Variants in TSBP1 observed in about 807,000 individuals in gnomAD.
The protein encoded by TSBP1 is testis-expressed basic protein 1.
In TSBP1, 56 loss-of-function variants were observed where a neutral mutation model predicts 68.8. The ratio of observed to expected loss-of-function variants is 0.81; its 90% CI spans 0.66 to 1.02. The LOEUF (loss-of-function observed/expected upper bound fraction) is 1.02, where lower values mean the gene tolerates loss of function less well. TSBP1 is among the 50% of genes least tolerant of loss of function. The pLI is 0.00. For missense variants in TSBP1, 502 were observed against 641.2 expected (o/e 0.78, Z 2.34); for synonymous variants, 171 against 208.7 (o/e 0.82, Z 1.56).
In TSBP1 at chr6:32,323,512, G is replaced by A. The variant is rs575254516; in HGVS notation, c.538+79C>T. The A allele has an allele frequency of 7.9e-4, 1,038 of 1,319,320 alleles. 7 individuals carry two copies. The Middle Eastern group carries it at 0.011, about 14-fold the overall frequency. 81.7% of individuals were successfully genotyped at this position (1,319,320 alleles called of 1,614,324 possible). On this transcript the variant is annotated intron_variant, in intron 17 of 22. Transcript: ENST00000612031. ...TGCACACAGAGTTAGAAATGAGCAG[G>A]GTAGAGACAGGTCTCTAAGCCTTGC...
Position 32,336,599 on chromosome 6 carries a change from C to T in TSBP1, c.430+16G>A, listed in dbSNP as rs769387896. 4.3e-6 allele frequency: 7 copies of T among 1,610,838 alleles called. No homozygotes were observed. In the South Asian group the frequency reaches 7.7e-5, roughly 18 times the overall value. On this transcript the variant is annotated intron_variant, in intron 12 of 22. Transcript: ENST00000612031. This position sits in a 1 kb window ranked among gnomAD's most constrained non-coding sequence, Gnocchi z 5.2. ...TATCAAAGGGACCAGAGTGGAAAAA[C>T]AAACTTGATACTTACGAATAGGGGC...
chr6:32,326,072 G>C (rs1397211032), intron 16 of TSBP1: 1 of 1,440,094 alleles, frequency 6.9e-7, no homozygotes, highest in Non-Finnish European at 9.6e-7. Context: ...GGCAGAAGCT[G>C]TGGCCTCTAT....
chr6:32,333,673 C>G lies in TSBP1; in HGVS notation c.473-1619G>C, dbSNP rs999212652. ...TGCCCTTGCTGGCAAACTGTGCTTC[C>G]TCCCTTAGGTCCTACTGAGTAGACT... On this transcript the variant is annotated intron_variant, in intron 14 of 22. Transcript: ENST00000612031. The surrounding 1 kb of genome is among the most constrained non-coding windows in gnomAD (Gnocchi z 4.2). Among the ~76,000 whole-genome samples the G allele has an allele frequency of 2.6e-4, 39 of 152,198 alleles. No homozygotes were observed. Among genetic ancestry groups the G allele is most frequent in the African/African-American group, 8.2e-4 (34 of 41,436 alleles).
chr6:32,320,089 A>G (rs1456641413), intron 18 of TSBP1: 1 of 453,304 alleles, frequency 2.2e-6, no homozygotes, highest in Non-Finnish European at 4.4e-6. Flanking sequence ...GGATTTTCTC[A>G]TAGATTTCAT....
intron 9 of TSBP1, among the ~76,000 whole-genome samples, chr6:32,347,867 G>A (rs924026851): frequency 6.6e-6 from 1 of 152,132 alleles, no homozygotes; most frequent in Non-Finnish European, 1.5e-5. Flanking sequence ...AGATCCTCCT[G>A]TGGCTGCCAG....
At chr6:32,331,523 C>T (rs1562123915) in intron 15 of TSBP1, among the ~76,000 whole-genome samples, 1 of 152,096 alleles carries the variant, frequency 6.6e-6, no homozygotes. Context: ...CACGGGGGTT[C>T]GGGCTGTGAG....
chr6:32,293,541 T>C lies in TSBP1; in HGVS notation c.1132A>G (p.Arg378Gly), dbSNP rs769459897. The C allele has an allele frequency of 3.1e-6, 5 of 1,611,174 alleles. No individual in the cohort carries two copies. In the South Asian group the frequency reaches 5.5e-5, roughly 18 times the overall value. ...CTCTTCTTTACTTGGGATTCCTGTCTTCTTGGCACACCCATCTCACTCTTC... is the reference window on the plus strand; with the variant it reads ...CTCTTCTTTACTTGGGATTCCTGTCCTCTTGGCACACCCATCTCACTCTTC... Residue 378 changes from arginine to glycine, a missense_variant, in exon 23 of 23, where the codon AGA (arginine) becomes GGA (glycine). Coordinates refer to ENST00000612031, the Ensembl canonical transcript of TSBP1.
chr6:32,334,058 T>A lies in TSBP1; in HGVS notation c.472+1379A>T, dbSNP rs190599232. ...TGATACCTGCCCTCTTGACATAAGT[T>A]ACTAAATCCTTGGATAGGTGATCAC... On this transcript the variant is annotated intron_variant, in intron 14 of 22. Coordinates refer to ENST00000612031, the Ensembl canonical transcript of TSBP1. The A allele has an allele frequency of 1.2e-3, 242 of 194,420 alleles. 3 individuals are homozygous for A. Among genetic ancestry groups the A allele is most frequent in the East Asian group, 0.011 (64 of 5,934 alleles). The allele number at this position is 194,420 out of a possible 1,614,324, so 12.0% of individuals were successfully genotyped here.
intron 19 of TSBP1, among the ~76,000 whole-genome samples, chr6:32,307,652 T>C (rs1046700567): frequency 3.3e-5 from 5 of 152,202 alleles, no homozygotes; most frequent in African/African-American, 1.2e-4. Context: ...TACAGATGTC[T>C]TTGCTATTTT....
chr6:32,323,782 A>T, intron 16 of TSBP1, 168 bp from the exon 18 acceptor site: 2 of 635,416 alleles, frequency 3.1e-6, no homozygotes, highest in Middle Eastern at 2.5e-4. Context: ...TCAAAAAATC[A>T]TTAATAACTT....
Position 32,292,909 on chromosome 6 carries a change from G to T in TSBP1, c.*72C>A. The T allele has an allele frequency of 1.1e-6, 1 of 883,140 alleles. No homozygotes were observed. The highest frequency in any genetic ancestry group is 1.8e-6 in the Non-Finnish European group (1 of 560,110). 54.7% of individuals were successfully genotyped at this position (883,140 alleles called of 1,614,324 possible). A position where few individuals can be genotyped will look rare whatever the true frequency, so the allele number is the denominator to read the frequency against. ...TTGTAATCTGTTTAGGCAATGGCTG[G>T]GATATGGTTTGTATCTGGAGTATGG... On this transcript the variant is annotated 3_prime_UTR_variant, in exon 23 of 23. Transcript: ENST00000612031. This position sits in a 1 kb window ranked among gnomAD's most constrained non-coding sequence, Gnocchi z 4.1.
Position 32,294,125 on chromosome 6 carries a change from T to C in TSBP1, c.638-90A>G, listed in dbSNP as rs552597507. ...CCCCTTGATACTGGTTCCTTTTTTG[T>C]CTTAAAACTGACAAACTAAAATTTT... On this transcript the variant is annotated intron_variant, in intron 22 of 22. Coordinates refer to ENST00000612031, the Ensembl canonical transcript of TSBP1. The C allele has an allele frequency of 3.9e-6, 6 of 1,535,156 alleles. No homozygotes were observed. The South Asian group carries it at 6.9e-5, about 18-fold the overall frequency.
intron 22 of TSBP1, among the ~76,000 whole-genome samples, chr6:32,297,304 T>A (rs2127558781): frequency 6.6e-6 from 1 of 152,298 alleles, no homozygotes; most frequent in South Asian, 2.1e-4. Context: ...ACTACAAAAT[T>A]TTAATACAAT....
At chr6:32,371,617 A>AAAGTCCCT in intron 1 of TSBP1, 77 bp downstream of exon 1, 1 of 1,028,632 alleles carries the variant, frequency 9.7e-7, no homozygotes, top group Non-Finnish European at 1.5e-6. Flanking sequence ...CAGTTGTGTT[A>AAAGTCCCT]AAGTCCCTAA....
chr6:32,366,754 C>T lies in TSBP1; in HGVS notation c.167-452G>A, dbSNP rs368827119. On this transcript the variant is annotated intron_variant, in intron 4 of 22. Coordinates refer to ENST00000612031, the Ensembl canonical transcript of TSBP1. ...CTCCAGCCTGGGCGACAGTGCGAGA[C>T]TCCGTCTCAAAAAAAAAAAAAAAAA... is the stretch of plus-strand genomic sequence containing the variant. 1.9e-3 allele frequency among the ~76,000 whole-genome samples: 165 copies of T among 89,118 alleles called. 1 individual carries two copies. The highest frequency in any genetic ancestry group is 9.4e-3 in the Admixed American group (56 of 5,982). 58.5% of individuals were successfully genotyped at this position (89,118 alleles called of 152,430 possible). A position where few individuals can be genotyped will look rare whatever the true frequency, so the allele number is the denominator to read the frequency against.
At chr6:32,332,621 G>GT (rs1240127271) in intron 14 of TSBP1, among the ~76,000 whole-genome samples, 1 of 151,692 alleles carries the variant, frequency 6.6e-6, no homozygotes, top group Non-Finnish European at 1.5e-5. Flanking sequence ...GTTTTGTTTT[G>GT]TTTTTTGAGA....
intron 15 of TSBP1, among the ~76,000 whole-genome samples, chr6:32,330,895 T>C (rs1301351977): frequency 1.3e-5 from 2 of 152,152 alleles, no homozygotes; most frequent in Non-Finnish European, 2.9e-5. Context: ...GGTCTCGAAC[T>C]CCTGACCTCA....
intron 20 of TSBP1, among the ~76,000 whole-genome samples, chr6:32,301,968 CATAATA>C (rs9257080): frequency 1.5e-5 from 2 of 131,766 alleles, no homozygotes; most frequent in African/African-American, 5.7e-5. Context: ...AAATCATCAT[CATAATA>C]ATAATAATAA....
chr6:32,352,694 A>T (rs1386836147), intron 8 of TSBP1, among the ~76,000 whole-genome samples: 1 of 151,936 alleles, frequency 6.6e-6, no homozygotes, highest in Non-Finnish European at 1.5e-5. Flanking sequence ...ACAAACTTTT[A>T]AGGTTCAAAA....
Sources: allele counts gnomAD v4.1 joint callset (sites outside exome capture counted in the v4.1 genomes callset), GRCh38; gene constraint gnomAD v4.1.1; non-coding constraint Gnocchi (gnomAD v3.1); transcripts MANE v1.5; gene names NCBI Gene and HGNC (gene_info 2026-07-23, HGNC 2026-07-21).